Variants in CCDC171 observed in about 807,000 individuals in gnomAD.
CCDC171 encodes the protein coiled-coil domain-containing protein 171.
In CCDC171, 177 loss-of-function variants were observed where a neutral mutation model predicts 168.2. The observed-to-expected ratio is 1.05, with a 90% CI of 0.93 to 1.19. CCDC171 has a LOEUF of 1.19. CCDC171 is among the 50% of genes most tolerant of loss of function. The probability of loss-of-function intolerance (pLI) is 0.00; values close to 1 mark genes in which losing one functional copy is unlikely to be tolerated. For synonymous variants in CCDC171, 687 were observed against 540.8 expected, an observed-to-expected ratio of 1.27 and a Z score of -3.75; for missense variants, 1,991 against 1,539.0, an observed-to-expected ratio of 1.29 and a Z score of -4.91.
At chr9:15,811,243 T>C (rs2059343632) in intron 21 of CCDC171, among the ~76,000 whole-genome samples, 1 of 152,214 alleles carries the variant, frequency 6.6e-6, no homozygotes. Flanking sequence ...ACTTGTTGAA[T>C]AGTTATCAAA....
chr9:15,710,348 C>G (rs1195285070), intron 11 of CCDC171, among the ~76,000 whole-genome samples: 1 of 151,862 alleles, frequency 6.6e-6, no homozygotes, highest in Non-Finnish European at 1.5e-5. Flanking sequence ...CACTCTGTCA[C>G]CCAGGCTGGA....
At chr9:15,632,552 C>T (rs1395772492) in intron 7 of CCDC171, among the ~76,000 whole-genome samples, 1 of 152,124 alleles carries the variant, frequency 6.6e-6, no homozygotes, top group African/African-American at 2.4e-5. Context: ...ACATTCCATG[C>T]TCATGGGTAG....
intron 21 of CCDC171, among the ~76,000 whole-genome samples, chr9:15,825,406 A>T (rs980785832): frequency 6.6e-6 from 1 of 152,176 alleles, no homozygotes; most frequent in East Asian, 1.9e-4. Flanking sequence ...TGTAACCACT[A>T]TAAAGTGGAT....
intron 3 of CCDC171, among the ~76,000 whole-genome samples, chr9:15,572,219 T>A (rs943563690): frequency 6.6e-6 from 1 of 152,166 alleles, no homozygotes; most frequent in African/African-American, 2.4e-5. Flanking sequence ...GTATATATAT[T>A]TCATATGTAT....
At chr9:15,722,066 T>C (rs893364243) in intron 12 of CCDC171, among the ~76,000 whole-genome samples, 191 bp downstream of exon 12, 1 of 152,232 alleles carries the variant, frequency 6.6e-6, no homozygotes, top group East Asian at 1.9e-4. Flanking sequence ...CTTACGTTTT[T>C]GTAACTCTTC....
chr9:16,075,875 C>G, the CCDC171 span, among the ~76,000 whole-genome samples: 1 of 152,080 alleles, frequency 6.6e-6, no homozygotes, highest in Non-Finnish European at 1.5e-5. Context: ...CAGCACAGCA[C>G]AGCATAGCAT....
downstream of CCDC171, among the ~76,000 whole-genome samples, chr9:16,065,215 C>T (rs1833978351): frequency 6.6e-6 from 1 of 152,176 alleles, no homozygotes; most frequent in South Asian, 2.1e-4. Context: ...TGTTATTCTA[C>T]CATTAAGTCT....
At chr9:16,078,187 T>A in the CCDC171 span, among the ~76,000 whole-genome samples, 26,982 of 151,960 alleles carry the variant, frequency 0.18, 2,627 homozygotes, top group Admixed American at 0.24. Flanking sequence ...ACACCTTGAA[T>A]ACGTACACTT....
chr9:15,651,613 T>G (rs1438921620), intron 7 of CCDC171, among the ~76,000 whole-genome samples: 2 of 152,148 alleles, frequency 1.3e-5, no homozygotes, highest in African/African-American at 4.8e-5. Flanking sequence ...TTTGTCTTTT[T>G]GTGCCTGGCT....
At chr9:15,985,220 T>G (rs890593679) in intron 3 of CCDC171, among the ~76,000 whole-genome samples, 1 of 152,160 alleles carries the variant, frequency 6.6e-6, no homozygotes, top group Non-Finnish European at 1.5e-5. Context: ...GGAAATAACC[T>G]TACTTGAGTA....
intron 24 of CCDC171, among the ~76,000 whole-genome samples, chr9:15,898,634 A>G (rs1821227255): frequency 6.6e-6 from 1 of 152,182 alleles, no homozygotes; most frequent in Non-Finnish European, 1.5e-5. Context: ...AAATATAGAC[A>G]TGTCTATAAA....
chr9:15,775,151 A>G (rs961239025), intron 18 of CCDC171, among the ~76,000 whole-genome samples: 10 of 152,226 alleles, frequency 6.6e-5, no homozygotes, highest in African/African-American at 2.4e-4. Flanking sequence ...TATATTGTAA[A>G]AACACTTCTT....
intron 7 of CCDC171, among the ~76,000 whole-genome samples, chr9:15,636,360 C>G (rs137862346): frequency 8.3e-4 from 127 of 152,164 alleles, no homozygotes; most frequent in African/African-American, 3.0e-3. Flanking sequence ...AACATATTGT[C>G]TTGTGCTGAA....
chr9:15,974,038 T>C (rs1053846223), downstream of CCDC171: 1 of 152,136 alleles, frequency 6.6e-6, no homozygotes, highest in African/African-American at 2.4e-5. Context: ...TGTCTCCATA[T>C]ATATGGGTAT....
At chr9:15,785,153 T>C (rs2135495981) in intron 21 of CCDC171, among the ~76,000 whole-genome samples, 1 of 152,184 alleles carries the variant, frequency 6.6e-6, no homozygotes, top group East Asian at 1.9e-4. Flanking sequence ...AGAGTTGTTC[T>C]CTCTGTCATA....
intron 3 of CCDC171, among the ~76,000 whole-genome samples, chr9:16,008,206 C>T (rs1393771245): frequency 6.6e-6 from 1 of 152,104 alleles, no homozygotes; most frequent in Non-Finnish European, 1.5e-5. Context: ...TTTACAGTTT[C>T]AGCTCTTACA....
intron 21 of CCDC171, among the ~76,000 whole-genome samples, chr9:15,844,895 A>G (rs994026408): frequency 2.6e-5 from 4 of 152,074 alleles, no homozygotes; most frequent in Non-Finnish European, 5.9e-5. Context: ...CAGTCTGGAT[A>G]AGGTTAGAGA....
intron 23 of CCDC171, among the ~76,000 whole-genome samples, chr9:15,855,088 G>A (rs1236374952): frequency 6.6e-6 from 1 of 151,580 alleles, no homozygotes; most frequent in African/African-American, 2.4e-5. Context: ...TGTCTGTTAT[G>A]TCTAGCGGGT....
At chr9:16,075,883 CATAGCAT>C in the CCDC171 span, among the ~76,000 whole-genome samples, 12 of 152,166 alleles carry the variant, frequency 7.9e-5, no homozygotes, top group African/African-American at 2.9e-4. Flanking sequence ...CACAGCATAG[CATAGCAT>C]AGCATAGCAT....
Sources: allele counts gnomAD v4.1 joint callset (sites outside exome capture counted in the v4.1 genomes callset), GRCh38; gene constraint gnomAD v4.1.1; transcripts MANE v1.5; gene names NCBI Gene and HGNC (gene_info 2026-07-23, HGNC 2026-07-21).